SCN8A: variants seen among roughly 807,000 people sequenced by gnomAD.
SCN8A encodes the protein sodium channel protein type 8 subunit alpha.
Under a neutral mutation model 184.1 loss-of-function variants are expected in SCN8A, and 30 were observed. That is an observed-to-expected ratio of 0.16 (90% CI 0.12 to 0.22). The LOEUF (loss-of-function observed/expected upper bound fraction) is 0.22. SCN8A is among the 10% of genes least tolerant of loss of function. The pLI, the probability that SCN8A is intolerant of heterozygous loss-of-function variation, is 1.00. For missense variants in SCN8A, 1,057 were observed against 2,498.9 expected, an observed-to-expected ratio of 0.42 and a Z score of 12.30; for synonymous variants, 852 against 907.0, an observed-to-expected ratio of 0.94 and a Z score of 1.09.
intron 17 of SCN8A, among the ~76,000 whole-genome samples, 195 bp from the exon 18 acceptor site, chr12:51,769,673 A>G (rs1045687470): frequency 6.6e-6 from 1 of 152,118 alleles, no homozygotes; most frequent in Non-Finnish European, 1.5e-5. Context: ...GTCCGTGAGT[A>G]GGTTTTGATG....
chr12:51,598,223 CAG>C (rs1158189113), intron 1 of SCN8A, among the ~76,000 whole-genome samples: 6 of 152,076 alleles, frequency 3.9e-5, no homozygotes, highest in African/African-American at 1.4e-4. Context: ...AGGTGAATGA[CAG>C]AGTGAAAATG....
At chr12:51,743,974 A>G (rs1942468722) in intron 12 of SCN8A, among the ~76,000 whole-genome samples, 1 of 152,194 alleles carries the variant, frequency 6.6e-6, no homozygotes, top group South Asian at 2.1e-4. Context: ...CTGTATCCAC[A>G]CCACTTAGCA....
At chr12:51,754,688 A>T (rs1392171628) in intron 14 of SCN8A, among the ~76,000 whole-genome samples, 1 of 152,172 alleles carries the variant, frequency 6.6e-6, no homozygotes, top group Non-Finnish European at 1.5e-5. Context: ...AGCCTGGAGG[A>T]GTTCCTCAGT....
chr12:51,707,230 C>A (rs1052821089), intron 11 of SCN8A, among the ~76,000 whole-genome samples: 6 of 151,844 alleles, frequency 4.0e-5, no homozygotes, highest in African/African-American at 9.7e-5. Flanking sequence ...GTTATATACC[C>A]CATAATGAAA....
At position 51,603,964 on chromosome 12, in the gene SCN8A, A is replaced by G. The variant is rs112285998; in HGVS notation, c.-55+12605A>G. 7.9e-3 allele frequency among the ~76,000 whole-genome samples: 1,204 copies of G among 152,296 alleles called. 11 individuals are homozygous for G. The highest frequency in any genetic ancestry group is 0.027 in the African/African-American group (1,115 of 41,564). ...TTAAAAATGTTGTTTTTGAGATATC[A>G]AAACAGATATCTTTATCAGATAACT... On this transcript the variant is annotated intron_variant, in intron 1 of 26. Transcript: ENST00000627620.
intron 1 of SCN8A, among the ~76,000 whole-genome samples, chr12:51,641,805 A>G (rs139683473): frequency 7.9e-4 from 121 of 152,310 alleles, no homozygotes; most frequent in African/African-American, 2.1e-3. Context: ...GTGTAACTCA[A>G]ATGTAACTAC....
intron 2 of SCN8A, among the ~76,000 whole-genome samples, chr12:51,681,021 T>C (rs1941322639): frequency 6.6e-6 from 1 of 151,876 alleles, no homozygotes; most frequent in Admixed American, 6.6e-5. Flanking sequence ...ATAATAATAA[T>C]AATAAATAAA....
intron 2 of SCN8A, among the ~76,000 whole-genome samples, chr12:51,669,241 G>C (rs1423820495): frequency 1.3e-5 from 2 of 152,202 alleles, no homozygotes; most frequent in Non-Finnish European, 2.9e-5. Flanking sequence ...TGTGGTGTCT[G>C]ACTATAGTGG....
intron 12 of SCN8A, among the ~76,000 whole-genome samples, chr12:51,727,986 C>G (rs1043527739): frequency 2.6e-5 from 4 of 152,236 alleles, no homozygotes; most frequent in African/African-American, 9.6e-5. Flanking sequence ...AGAACCTAGC[C>G]TTGAAATCCC....
intron 12 of SCN8A, among the ~76,000 whole-genome samples, chr12:51,745,085 C>T (rs1344920512): frequency 6.6e-6 from 1 of 152,154 alleles, no homozygotes; most frequent in Non-Finnish European, 1.5e-5. Flanking sequence ...GGAATAGTCA[C>T]AAGAACGTAA....
At chr12:51,723,658 T>C (rs1942110727) in intron 12 of SCN8A, among the ~76,000 whole-genome samples, 2 of 152,088 alleles carry the variant, frequency 1.3e-5, no homozygotes, top group African/African-American at 2.4e-5. Flanking sequence ...GGTGGATTGC[T>C]TGAGGCCAGG....
intron 20 of SCN8A, among the ~76,000 whole-genome samples, chr12:51,778,632 C>T (rs981515706): frequency 6.6e-6 from 1 of 152,114 alleles, no homozygotes; most frequent in African/African-American, 2.4e-5. Flanking sequence ...TCCGCTTCTA[C>T]CCCCTGCCAG....
rs1465970742 is a variant in SCN8A at position 51,807,081 on chromosome 12, G to A, written c.5595G>A (p.Leu1865=). ...VLGDSGELDI[L]RQQMEERFVA... is the part of the protein sequence containing the mutation. ...GAGATAGCGGGGAGTTGGACATCCT[G>A]CGGCAGCAGATGGAAGAGCGGTTCG... The change falls in exon 27 of 27, where the codon CTG becomes CTA. Residue 1865 remains leucine (L), a synonymous_variant. Coordinates refer to ENST00000627620, the MANE Select transcript of SCN8A (RefSeq NM_001330260.2). This position sits in a 1 kb window ranked among gnomAD's most constrained non-coding sequence, Gnocchi z 4.5. 6 of 1,613,870 alleles carry A rather than the reference G, an allele frequency of 3.7e-6. No individual in the cohort carries two copies. In the African/African-American group the frequency reaches 4.0e-5, roughly 11 times the overall value.
In SCN8A at chr12:51,789,188, A is replaced by G. The variant is rs1330042767; in HGVS notation, c.4282-93A>G. 4.4e-6 allele frequency: 6 copies of G among 1,358,044 alleles called. No homozygotes were observed. The East Asian group carries it at 1.4e-4, about 32-fold the overall frequency. The allele number at this position is 1,358,044 out of a possible 1,614,324, so 84.1% of individuals were successfully genotyped here. On this transcript the variant is annotated intron_variant, in intron 23 of 26. Coordinates refer to ENST00000627620, the MANE Select transcript of SCN8A (RefSeq NM_001330260.2). ...GCTCTCCCACCCCAAGATGTTTAGC[A>G]GCTCAAATGGTCACAGTTACGGCTG...
intron 21 of SCN8A, among the ~76,000 whole-genome samples, chr12:51,785,145 G>A (rs558851008): frequency 6.6e-6 from 1 of 152,326 alleles, no homozygotes; most frequent in Admixed American, 6.5e-5. Context: ...CCGCCAAAGG[G>A]TGAGCAACTG....
At chr12:51,633,401 T>C (rs1940242840) in intron 1 of SCN8A, among the ~76,000 whole-genome samples, 1 of 152,266 alleles carries the variant, frequency 6.6e-6, no homozygotes, top group Non-Finnish European at 1.5e-5. Flanking sequence ...ATAAAAAATG[T>C]CAGTTTCTTA....
chr12:51,726,464 G>C (rs564703936), intron 12 of SCN8A, among the ~76,000 whole-genome samples: 15 of 152,296 alleles, frequency 9.8e-5, no homozygotes, highest in African/African-American at 3.6e-4. Context: ...GGCACAGTAA[G>C]CAGTAGAGTT....
At chr12:51,767,153 C>A (rs1186528145) in intron 16 of SCN8A, among the ~76,000 whole-genome samples, 1 of 152,224 alleles carries the variant, frequency 6.6e-6, no homozygotes, top group Non-Finnish European at 1.5e-5. Flanking sequence ...CAGTCCTAAT[C>A]CCTCTAGTCT....
At chr12:51,695,932 G>A (rs1941585516) in intron 6 of SCN8A, among the ~76,000 whole-genome samples, 1 of 152,174 alleles carries the variant, frequency 6.6e-6, no homozygotes, top group Non-Finnish European at 1.5e-5. Context: ...GGGATAGTTG[G>A]AGCTCATGGC....
Sources: allele counts gnomAD v4.1 joint callset (sites outside exome capture counted in the v4.1 genomes callset), GRCh38; gene constraint gnomAD v4.1.1; non-coding constraint Gnocchi (gnomAD v3.1); transcripts MANE v1.5; gene names NCBI Gene and HGNC (gene_info 2026-07-23, HGNC 2026-07-21).